The following PCDH7 variants were observed in gnomAD, a reference collection of about 807,000 sequenced individuals.
The protein encoded by PCDH7 is protocadherin-7.
PCDH7 carries 17 observed loss-of-function variants against 58.9 expected under a neutral mutation model. The ratio of observed to expected loss-of-function variants is 0.29; its 90% CI spans 0.20 to 0.43. The LOEUF (loss-of-function observed/expected upper bound fraction) is 0.43. Among genes scored for constraint, PCDH7 ranks in the 20% least tolerant of loss-of-function variants. The probability of loss-of-function intolerance (pLI) is 1.00; values close to 1 mark genes in which losing one functional copy is unlikely to be tolerated. For synonymous variants in PCDH7, 664 were observed against 616.4 expected (o/e 1.08, Z -1.14); for missense variants, 1,274 against 1,441.0 (o/e 0.88, Z 1.88).
At chr4:30,865,641 T>C (rs979141431) in intron 1 of PCDH7, among the ~76,000 whole-genome samples, 2 of 152,106 alleles carry the variant, frequency 1.3e-5, no homozygotes, top group Non-Finnish European at 2.9e-5. Flanking sequence ...TAATTTACAG[T>C]GTTTTTTAAG....
chr4:30,730,990 TA>T (rs1262504683), exon 2 of PCDH7: 21 of 1,245,082 alleles, frequency 1.7e-5, no homozygotes, highest in Non-Finnish European at 1.8e-5. Context: ...GAAACAGTAT[TA>T]ATGCAGAAAT....
chr4:30,801,736 A>G (rs1450235014), intron 1 of PCDH7, among the ~76,000 whole-genome samples: 2 of 152,232 alleles, frequency 1.3e-5, no homozygotes, highest in African/African-American at 4.8e-5. Flanking sequence ...ATGAAGAAAC[A>G]TGTGCAGGAA....
chr4:30,835,749 A>T (rs925525744), intron 1 of PCDH7, among the ~76,000 whole-genome samples: 1 of 152,196 alleles, frequency 6.6e-6, no homozygotes, highest in Non-Finnish European at 1.5e-5. Flanking sequence ...GGCTAATAAT[A>T]TCCCTTCTAC....
chr4:30,728,069 T>C (rs913630598), intron 1 of PCDH7, among the ~76,000 whole-genome samples: 17 of 151,812 alleles, frequency 1.1e-4, no homozygotes, highest in African/African-American at 3.1e-4. Flanking sequence ...TTAACTTCAG[T>C]GACAGTTTCA....
intron 3 of PCDH7, among the ~76,000 whole-genome samples, chr4:31,111,841 T>C (rs1716358424): frequency 6.6e-6 from 1 of 152,222 alleles, no homozygotes; most frequent in African/African-American, 2.4e-5. Context: ...GTATCAACTT[T>C]ACTTTTCTAT....
In PCDH7 at chr4:30,773,750, G is replaced by A. The variant is rs528549785; in HGVS notation, c.70+49154G>A. 5.3e-5 allele frequency among the ~76,000 whole-genome samples: 8 copies of A among 152,174 alleles called. No individual in the cohort carries two copies. In the South Asian group the frequency reaches 1.7e-3, roughly 32 times the overall value. On this transcript the variant is annotated intron_variant, in intron 1 of 3. Transcript: ENST00000509759. Reference sequence around the variant, plus strand: ...CTATTTCAGGTGGGGAGAAAGTTGAGGGAAAACTTCACTTCATCCCATTTC... The same window carrying A: ...CTATTTCAGGTGGGGAGAAAGTTGAAGGAAAACTTCACTTCATCCCATTTC...
At chr4:30,973,133 T>C (rs1172713131) in intron 3 of PCDH7, among the ~76,000 whole-genome samples, 2 of 152,124 alleles carry the variant, frequency 1.3e-5, no homozygotes, top group Non-Finnish European at 1.5e-5. Flanking sequence ...AATGGCCAAG[T>C]GTGTAATAGA....
At chr4:30,900,683 T>C (rs1199179551) in intron 1 of PCDH7, among the ~76,000 whole-genome samples, 1 of 152,040 alleles carries the variant, frequency 6.6e-6, no homozygotes, top group Non-Finnish European at 1.5e-5. Flanking sequence ...TTGAGTAAAA[T>C]ATAGACATAA....
intron 3 of PCDH7, among the ~76,000 whole-genome samples, chr4:31,130,856 G>T (rs1332706110): frequency 1.3e-5 from 2 of 152,054 alleles, no homozygotes; most frequent in Non-Finnish European, 2.9e-5. Context: ...TTAAAAAATG[G>T]CTGAGTCAGG....
chr4:30,814,113 C>A (rs1297828267), intron 1 of PCDH7, among the ~76,000 whole-genome samples: 1 of 151,682 alleles, frequency 6.6e-6, no homozygotes. Flanking sequence ...TGTATATTTA[C>A]AGATAGGTAA....
intron 3 of PCDH7, among the ~76,000 whole-genome samples, chr4:31,099,100 T>G (rs574170828): frequency 9.2e-5 from 14 of 152,180 alleles, no homozygotes; most frequent in Non-Finnish European, 2.1e-4. Context: ...CATAGGAATT[T>G]TGAGGTGACA....
At chr4:31,022,033 T>A (rs1754066332) in intron 3 of PCDH7, among the ~76,000 whole-genome samples, 1 of 152,166 alleles carries the variant, frequency 6.6e-6, no homozygotes. Context: ...CTAGGGATAA[T>A]TATTGTCGTT....
rs554344743 is a variant in PCDH7 at position 30,730,655 on chromosome 4, A to G, written c.3175-98A>G. The G allele has an allele frequency of 2.0e-4, 169 of 825,876 alleles. No individual in the cohort carries two copies. In the East Asian group the frequency reaches 4.1e-3, roughly 20 times the overall value. The allele number at this position is 825,876 out of a possible 1,614,324, so 51.2% of individuals were successfully genotyped here. The stretch of plus-strand genomic sequence containing the variant: ...CATTAAAATTTTTCTTAGCTCCGAA[A>G]TCTCTACTAAAGCTTTCCAATTGGG... On this transcript the variant is annotated intron_variant, in intron 1 of 1. Transcript: ENST00000361762.
intron 1 of PCDH7, among the ~76,000 whole-genome samples, chr4:30,746,073 C>T (rs1281203418): frequency 6.6e-6 from 1 of 152,142 alleles, no homozygotes; most frequent in Non-Finnish European, 1.5e-5. Flanking sequence ...AAGTGATCCG[C>T]CTGCCTCAGC....
intron 3 of PCDH7, among the ~76,000 whole-genome samples, chr4:31,127,440 T>A (rs914143172): frequency 6.6e-6 from 1 of 152,194 alleles, no homozygotes; most frequent in Non-Finnish European, 1.5e-5. Flanking sequence ...AGCTTGAATG[T>A]GTCCTACATC....
At chr4:30,877,226 C>T (rs1348908185) in intron 1 of PCDH7, among the ~76,000 whole-genome samples, 1 of 152,046 alleles carries the variant, frequency 6.6e-6, no homozygotes, top group Non-Finnish European at 1.5e-5. Flanking sequence ...AAAAGCTAGA[C>T]AGGCCAGAGC....
At chr4:30,906,530 T>A (rs538041260) in intron 1 of PCDH7, among the ~76,000 whole-genome samples, 1 of 152,186 alleles carries the variant, frequency 6.6e-6, no homozygotes, top group African/African-American at 2.4e-5. Flanking sequence ...AATGGATAAA[T>A]GCTGCCTATA....
chr4:31,087,329 A>G (rs1200907531), intron 3 of PCDH7, among the ~76,000 whole-genome samples: 1 of 152,108 alleles, frequency 6.6e-6, no homozygotes, highest in Non-Finnish European at 1.5e-5. Context: ...TAATAGAATG[A>G]TGGCTGTGTG....
chr4:30,961,959 C>G (rs918698465), intron 3 of PCDH7, among the ~76,000 whole-genome samples: 33 of 152,144 alleles, frequency 2.2e-4, no homozygotes, highest in African/African-American at 7.2e-4. Flanking sequence ...GCTAATCTCT[C>G]CCACTCATCT....
Sources: allele counts gnomAD v4.1 joint callset (sites outside exome capture counted in the v4.1 genomes callset), GRCh38; gene constraint gnomAD v4.1.1; transcripts MANE v1.5; gene names NCBI Gene and HGNC (gene_info 2026-07-23, HGNC 2026-07-21).